The following ERC2 variants were observed in gnomAD, a reference collection of about 807,000 sequenced individuals.
ERC2 encodes ELKS/RAB6-interacting/CAST family member 2.
In ERC2, 42 loss-of-function variants were observed where a neutral mutation model predicts 114.8. The ratio of observed to expected loss-of-function variants is 0.37; its 90% CI spans 0.29 to 0.47. The LOEUF is 0.47. Ranked by LOEUF, ERC2 falls within the 20% of genes least tolerant of loss-of-function variation. The pLI is 0.99. For missense variants in ERC2, 939 were observed against 1,150.7 expected (o/e 0.82, Z 2.66); for synonymous variants, 454 against 425.5 (o/e 1.07, Z -0.82).
At position 56,434,587 on chromosome 3, in the gene ERC2, G is replaced by C; in HGVS notation, c.421C>G (p.Gln141Glu). Residue 141 changes from glutamine (Q) to glutamate (E), a missense_variant, in exon 2 of 18, where the codon CAG becomes GAG. Gln to Glu is a conservative substitution (Grantham distance 29, BLOSUM62 2). This residue lies in a region of ERC2 where 281 missense variants were observed against 307.4 expected (regional missense o/e 0.91). Transcript: ENST00000288221. ...TCTAACATTGTGCTGTCTCTTACCT[G>C]CCTCAACATGGAGGGGACCTGGTGG... ...HHHQVPSMLR[Q>E]VRDSTMLDLQ... 6.2e-7 allele frequency: 1 copy of C among 1,613,930 alleles called. No homozygotes were observed. Among genetic ancestry groups the C allele is most frequent in the Non-Finnish European group, 8.5e-7 (1 of 1,179,870 alleles).
chr3:55,567,295 G>A (rs181122549), intron 17 of ERC2, among the ~76,000 whole-genome samples: 1 of 152,280 alleles, frequency 6.6e-6, no homozygotes, highest in Admixed American at 6.5e-5. Context: ...TCCAGGCAGA[G>A]CAATAGACCT....
intron 17 of ERC2, among the ~76,000 whole-genome samples, chr3:55,600,472 C>A (rs2058349308): frequency 6.6e-6 from 1 of 152,210 alleles, no homozygotes; most frequent in South Asian, 2.1e-4. Context: ...TGTCATCGTG[C>A]AGAAGATGGG....
chr3:56,150,476 GTAGA>G (rs962050775), intron 4 of ERC2, among the ~76,000 whole-genome samples: 2 of 152,084 alleles, frequency 1.3e-5, no homozygotes, highest in African/African-American at 4.8e-5. Flanking sequence ...TCTAAGTTCT[GTAGA>G]TACTTTTATT....
At chr3:55,518,914 C>T (rs561244961) in intron 17 of ERC2, among the ~76,000 whole-genome samples, 6 of 152,206 alleles carry the variant, frequency 3.9e-5, no homozygotes, top group African/African-American at 1.4e-4. Context: ...TTAAAATAAC[C>T]AAAGGTTTGG....
intron 17 of ERC2, among the ~76,000 whole-genome samples, chr3:55,627,612 T>C (rs1439855558): frequency 6.6e-6 from 1 of 152,158 alleles, no homozygotes; most frequent in East Asian, 1.9e-4. Context: ...GCAAGATTAA[T>C]GAGAAGATGA....
At chr3:55,583,996 C>G (rs1166628906) in intron 17 of ERC2, among the ~76,000 whole-genome samples, 1 of 152,138 alleles carries the variant, frequency 6.6e-6, no homozygotes, top group Non-Finnish European at 1.5e-5. Flanking sequence ...GTCACTCAAG[C>G]CTCAGTTTTC....
In ERC2 at chr3:55,750,391, A is replaced by G. The variant is rs141508126; in HGVS notation, c.2565-15473T>C. On this transcript the variant is annotated intron_variant, in intron 14 of 17. Coordinates refer to ENST00000288221, the MANE Select transcript of ERC2 (RefSeq NM_015576.3). ...GTAAAGTTGAGTAAACTGAGACTGT[A>G]ATATTTAAGGTTGTCCAAGGTCCCA... is the stretch of plus-strand genomic sequence containing the variant. Among the ~76,000 whole-genome samples the G allele has an allele frequency of 1.5e-3, 226 of 152,300 alleles. 1 individual carries two copies. The highest frequency in any genetic ancestry group is 6.8e-3 in the Middle Eastern group (2 of 294).
chr3:56,361,751 A>G (rs973437681), intron 2 of ERC2, among the ~76,000 whole-genome samples: 4 of 152,238 alleles, frequency 2.6e-5, no homozygotes, highest in Non-Finnish European at 5.9e-5. Context: ...GAGATGGTTC[A>G]TATTACTGCA....
chr3:56,377,555 G>A (rs986068087), intron 2 of ERC2, among the ~76,000 whole-genome samples: 6 of 152,126 alleles, frequency 3.9e-5, no homozygotes, highest in African/African-American at 1.2e-4. Flanking sequence ...TCAAATATAA[G>A]TTAAGATATC....
intron 13 of ERC2, among the ~76,000 whole-genome samples, chr3:55,946,069 G>T (rs1261274111): frequency 6.9e-6 from 1 of 145,916 alleles, no homozygotes; most frequent in South Asian, 2.2e-4. Context: ...GCTTTAAAAA[G>T]AAAAAAATAA....
At chr3:56,113,447 C>A (rs9817542) in intron 6 of ERC2, among the ~76,000 whole-genome samples, 25,394 of 152,044 alleles carry the variant, frequency 0.17, 2,266 homozygotes, top group African/African-American at 0.21. Flanking sequence ...CTTCATATAG[C>A]AGCCCTCTAT....
chr3:56,186,557 G>C (rs1275963741), intron 3 of ERC2, among the ~76,000 whole-genome samples: 1 of 152,162 alleles, frequency 6.6e-6, no homozygotes, highest in Non-Finnish European at 1.5e-5. Context: ...TTGAGACAGA[G>C]TTTCGCTCTT....
At chr3:56,155,625 G>T (rs2081669435) in intron 4 of ERC2, among the ~76,000 whole-genome samples, 1 of 152,140 alleles carries the variant, frequency 6.6e-6, no homozygotes, top group Non-Finnish European at 1.5e-5. Flanking sequence ...TATATATAGA[G>T]AAGTCAGGAA....
chr3:55,950,650 T>C, intron 12 of ERC2, 90 bp from the exon 13 acceptor site: 1 of 1,406,530 alleles, frequency 7.1e-7, no homozygotes. Flanking sequence ...AAGTATAGGC[T>C]ATCTGGATAA....
At chr3:56,072,752 A>G (rs2076798892) in intron 7 of ERC2, among the ~76,000 whole-genome samples, 1 of 152,152 alleles carries the variant, frequency 6.6e-6, no homozygotes, top group Non-Finnish European at 1.5e-5. Context: ...AAAGGTCACT[A>G]TTTTTCAAAT....
intron 14 of ERC2, among the ~76,000 whole-genome samples, chr3:55,822,849 G>T: frequency 6.6e-6 from 1 of 152,030 alleles, no homozygotes; most frequent in Non-Finnish European, 1.5e-5. Flanking sequence ...TCCTGACCTC[G>T]TGATCCACCC....
chr3:56,465,353 C>G (rs550663374), intron 1 of ERC2, among the ~76,000 whole-genome samples: 1 of 152,274 alleles, frequency 6.6e-6, no homozygotes, highest in African/African-American at 2.4e-5. Context: ...GAGCCAAGAT[C>G]ACGCCACTGC....
chr3:56,420,712 C>T (rs1382883696), intron 2 of ERC2, among the ~76,000 whole-genome samples: 2 of 149,342 alleles, frequency 1.3e-5, no homozygotes, highest in African/African-American at 2.5e-5. Context: ...GGTGAAACCC[C>T]GTCTCTACTA....
chr3:55,667,543 A>ACC (rs2061401608), intron 17 of ERC2, among the ~76,000 whole-genome samples: 4 of 151,446 alleles, frequency 2.6e-5, no homozygotes, highest in Non-Finnish European at 2.9e-5. Context: ...CTGAGACTGC[A>ACC]TGCTGCAGCT....
Sources: allele counts gnomAD v4.1 joint callset (sites outside exome capture counted in the v4.1 genomes callset), GRCh38; gene constraint gnomAD v4.1.1; regional missense constraint gnomAD v4.1.1; transcripts MANE v1.5; gene names NCBI Gene and HGNC (gene_info 2026-07-23, HGNC 2026-07-21).